SORT1: variants seen among roughly 807,000 people sequenced by gnomAD.
SORT1 encodes sortilin 1.
In SORT1, 39 loss-of-function variants were observed where a neutral mutation model predicts 101.7. The ratio of observed to expected loss-of-function variants is 0.38; its 90% CI spans 0.30 to 0.50. SORT1 has a LOEUF of 0.50. SORT1 is among the 20% of genes least tolerant of loss of function. SORT1 has a pLI of 0.90. For synonymous variants in SORT1, 396 were observed against 393.7 expected (o/e 1.01, Z -0.07); for missense variants, 878 against 1,040.4 (o/e 0.84, Z 2.15).
At chr1:109,331,899 G>A (rs1648479661) in intron 11 of SORT1, among the ~76,000 whole-genome samples, 1 of 133,846 alleles carries the variant, frequency 7.5e-6, no homozygotes, top group African/African-American at 2.8e-5. Context: ...ATCCAAAAAA[G>A]AAATCAAGAA....
intron 13 of SORT1, chr1:109,326,693 C>T (rs945597319): frequency 8.0e-5 from 16 of 199,480 alleles, no homozygotes; most frequent in South Asian, 3.0e-4. Context: ...TGGCCTCAAG[C>T]GATCCTCCTG....
rs74750082 is a variant in SORT1 at position 109,318,669 on chromosome 1, T to C, written c.2025-700A>G. On this transcript the variant is annotated intron_variant, in intron 15 of 19. Transcript: ENST00000256637. ...CTTTTCTTTTCTTCCCCCTCCCCGC[T>C]TTTTTTTTGAGACAGGGTCTCGCTC... Among the ~76,000 whole-genome samples the C allele has an allele frequency of 4.0e-5, 6 of 151,078 alleles. No homozygotes were observed. In the East Asian group the frequency reaches 9.7e-4, roughly 25 times the overall value.
intron 1 of SORT1, among the ~76,000 whole-genome samples, chr1:109,379,029 G>C (rs1652054084): frequency 6.6e-6 from 1 of 151,592 alleles, no homozygotes; most frequent in Non-Finnish European, 1.5e-5. Flanking sequence ...TGTAGGCCCA[G>C]CTACTGAGGA....
At chr1:109,384,908 T>C (rs1164321570) in intron 1 of SORT1, among the ~76,000 whole-genome samples, 2 of 152,050 alleles carry the variant, frequency 1.3e-5, no homozygotes, top group Non-Finnish European at 2.9e-5. Flanking sequence ...TGAAACCCCA[T>C]CTCTACTAAA....
At chr1:109,351,962 A>AGGGG (rs201878566) in intron 5 of SORT1, among the ~76,000 whole-genome samples, 20 of 105,310 alleles carry the variant, frequency 1.9e-4, no homozygotes, top group African/African-American at 6.2e-4. Flanking sequence ...GATGAGAGGT[A>AGGGG]GGGGTGTGTG....
intron 17 of SORT1, among the ~76,000 whole-genome samples, 163 bp from the exon 18 acceptor site, chr1:109,314,941 T>C (rs1046983098): frequency 2.0e-5 from 3 of 152,216 alleles, no homozygotes; most frequent in African/African-American, 7.2e-5. Flanking sequence ...CATCTCAGTG[T>C]TACCAGGAGA....
At chr1:109,373,124 G>A (rs1029780465) in intron 1 of SORT1, among the ~76,000 whole-genome samples, 1 of 152,086 alleles carries the variant, frequency 6.6e-6, no homozygotes, top group African/African-American at 2.4e-5. Flanking sequence ...CCAAGATATT[G>A]GACACCAGGC....
At chr1:109,381,445 A>T (rs1463095075) in intron 1 of SORT1, among the ~76,000 whole-genome samples, 1 of 152,216 alleles carries the variant, frequency 6.6e-6, no homozygotes, top group Non-Finnish European at 1.5e-5. Context: ...AGAAACGTTT[A>T]AAAAAATCTT....
chr1:109,365,086 A>G (rs1650991051), intron 3 of SORT1, among the ~76,000 whole-genome samples: 1 of 152,248 alleles, frequency 6.6e-6, no homozygotes, highest in Non-Finnish European at 1.5e-5. Context: ...GGTCAAGATA[A>G]TAAACTGCAA....
At chr1:109,377,745 A>C (rs1651957017) in intron 1 of SORT1, among the ~76,000 whole-genome samples, 1 of 152,224 alleles carries the variant, frequency 6.6e-6, no homozygotes, top group South Asian at 2.1e-4. Context: ...AGCAGAGTTT[A>C]CAGAGTTGGG....
At chr1:109,380,770 A>AATTCAAG (rs1652171230) in intron 1 of SORT1, among the ~76,000 whole-genome samples, 1 of 122,256 alleles carries the variant, frequency 8.2e-6, no homozygotes, top group African/African-American at 3.0e-5. Context: ...TGAGCCTGGG[A>AATTCAAG]GTTTGAGACC....
At position 109,313,351 on chromosome 1, in the gene SORT1, C is replaced by T. The variant is rs987519441; in HGVS notation, c.*692G>A. 6 of 152,680 alleles carry T rather than the reference C, an allele frequency of 3.9e-5. No individual in the cohort carries two copies. The highest frequency in any genetic ancestry group is 1.4e-4 in the African/African-American group (6 of 41,408). The allele number at this position is 152,680 out of a possible 1,614,324, so 9.5% of individuals were successfully genotyped here. A position where few individuals can be genotyped will look rare whatever the true frequency, so the allele number is the denominator to read the frequency against. On this transcript the variant is annotated 3_prime_UTR_variant, in exon 20 of 20. Coordinates refer to ENST00000256637, the MANE Select transcript of SORT1 (RefSeq NM_002959.7). ...TAAAAATATTGCCCTGTAAGTTTTC[C>T]TGATGTACTGTGTGGGAAGCACATG...
chr1:109,348,906 C>T (rs533355341), intron 6 of SORT1, among the ~76,000 whole-genome samples: 1 of 152,022 alleles, frequency 6.6e-6, no homozygotes, highest in Non-Finnish European at 1.5e-5. Flanking sequence ...GAGGCAGAGG[C>T]TGCAATGAGC....
chr1:109,326,937 A>G, intron 13 of SORT1, 55 bp downstream of exon 13: 1 of 1,340,354 alleles, frequency 7.5e-7, no homozygotes, highest in South Asian at 1.6e-5. Context: ...ACTGAAGAAC[A>G]TTCCCCCAGT....
intron 3 of SORT1, among the ~76,000 whole-genome samples, chr1:109,356,354 C>T (rs1449444117): frequency 6.6e-6 from 1 of 152,190 alleles, no homozygotes; most frequent in Non-Finnish European, 1.5e-5. Flanking sequence ...AGTATGTGAA[C>T]ACACAGTAAA....
At chr1:109,389,218 A>G (rs1652759837) in intron 1 of SORT1, among the ~76,000 whole-genome samples, 1 of 152,178 alleles carries the variant, frequency 6.6e-6, no homozygotes, top group African/African-American at 2.4e-5. Flanking sequence ...ACGGTACTTC[A>G]AGGTTTCAAA....
intron 11 of SORT1, among the ~76,000 whole-genome samples, chr1:109,332,388 G>A (rs761740928): frequency 2.0e-5 from 3 of 152,146 alleles, no homozygotes; most frequent in Non-Finnish European, 4.4e-5. Context: ...TTCAAGACTA[G>A]CTTGGGCAAC....
chr1:109,326,220 CTT>C (rs762161455), intron 13 of SORT1, among the ~76,000 whole-genome samples: 2 of 135,224 alleles, frequency 1.5e-5, no homozygotes, highest in Non-Finnish European at 1.6e-5. Flanking sequence ...GCTAATTTTT[CTT>C]TTTTTTTTTT....
At chr1:109,354,104 G>A (rs1417649614) in intron 5 of SORT1, among the ~76,000 whole-genome samples, 1 of 152,128 alleles carries the variant, frequency 6.6e-6, no homozygotes, top group Non-Finnish European at 1.5e-5. Context: ...CTGTTTTCTA[G>A]TTCATTACTC....
Sources: gnomAD v4.1 joint callset for allele counts (sites outside exome capture counted in the v4.1 genomes callset) on GRCh38, gnomAD v4.1.1 for gene constraint, MANE v1.5 for transcripts, NCBI Gene and HGNC (gene_info 2026-07-23, HGNC 2026-07-21) for gene names.